The following RPSA2 variants were observed in gnomAD, a reference collection of about 807,000 sequenced individuals.
RPSA2 encodes the protein ribosomal protein SA 2, also known as small ribosomal subunit protein uS2B.
the RPSA2 span, among the ~76,000 whole-genome samples, chr19:23,781,652 T>A: frequency 6.6e-6 from 1 of 152,094 alleles, no homozygotes; most frequent in East Asian, 1.9e-4. Flanking sequence ...GGCACATAAT[T>A]TGCAAAGGAA....
At chr19:23,806,495 G>T in the RPSA2 span, among the ~76,000 whole-genome samples, 1 of 151,862 alleles carries the variant, frequency 6.6e-6, no homozygotes, top group African/African-American at 2.4e-5. Context: ...AAAAAGTTCT[G>T]AGAAAAGTGG....
At chr19:23,766,666 G>C in the RPSA2 span, among the ~76,000 whole-genome samples, 4 of 151,758 alleles carry the variant, frequency 2.6e-5, no homozygotes, top group African/African-American at 7.3e-5. Context: ...GTGTTAGCCA[G>C]GATGGTCTTG....
chr19:23,864,897 T>A, the RPSA2 span, among the ~76,000 whole-genome samples: 1 of 152,186 alleles, frequency 6.6e-6, no homozygotes, highest in Non-Finnish European at 1.5e-5. Flanking sequence ...CTCTTCTCCC[T>A]GTCTCCTTTA....
At chr19:23,817,984 A>G in the RPSA2 span, 1 of 152,194 alleles carries the variant, frequency 6.6e-6, no homozygotes, top group African/African-American at 2.4e-5. Context: ...GGAAGCTAGG[A>G]GAGGAGGAAA....
the RPSA2 span, among the ~76,000 whole-genome samples, chr19:23,793,789 T>C: frequency 0.98 from 148,851 of 152,178 alleles, 72,890 homozygotes; most frequent in Middle Eastern, 1. Flanking sequence ...TGGTCTTGAA[T>C]TCCTGACGTG....
the RPSA2 span, chr19:23,758,987 A>G: frequency 1.7e-6 from 1 of 586,492 alleles, no homozygotes; most frequent in Non-Finnish European, 3.0e-6. Flanking sequence ...GATAATGATT[A>G]AAACCCCACC....
chr19:23,867,087 T>G, the RPSA2 span, among the ~76,000 whole-genome samples: 15 of 152,302 alleles, frequency 9.8e-5, no homozygotes, highest in South Asian at 2.5e-3. Flanking sequence ...GGAGCACAAC[T>G]ACATGCAAAA....
the RPSA2 span, among the ~76,000 whole-genome samples, chr19:23,807,262 C>A: frequency 6.6e-6 from 1 of 152,196 alleles, no homozygotes; most frequent in Non-Finnish European, 1.5e-5. Flanking sequence ...GAAAAAGACA[C>A]AGGCTCTTCC....
At chr19:23,849,314 C>T in the RPSA2 span, among the ~76,000 whole-genome samples, 1 of 79,734 alleles carries the variant, frequency 1.3e-5, no homozygotes, top group Non-Finnish European at 2.5e-5. Context: ...ATCTGAGGTG[C>T]CCAGGGATGC....
chr19:23,869,673 G>C, the RPSA2 span, among the ~76,000 whole-genome samples: 1 of 152,130 alleles, frequency 6.6e-6, no homozygotes, highest in Non-Finnish European at 1.5e-5. Flanking sequence ...CTGCCACCTG[G>C]ATTGCTTGGC....
chr19:23,773,288 C>CA, the RPSA2 span, among the ~76,000 whole-genome samples: 1,576 of 19,908 alleles, frequency 0.079, 38 homozygotes, highest in African/African-American at 0.16. Context: ...ATATATATAT[C>CA]AAATTTTTTT....
the RPSA2 span, among the ~76,000 whole-genome samples, chr19:23,852,443 C>T: frequency 1.3e-5 from 2 of 152,086 alleles, no homozygotes; most frequent in Non-Finnish European, 2.9e-5. Context: ...GATTTACCTA[C>T]GTATTTACTA....
chr19:23,837,887 A>T, the RPSA2 span, among the ~76,000 whole-genome samples: 4 of 152,112 alleles, frequency 2.6e-5, no homozygotes, highest in African/African-American at 9.7e-5. Flanking sequence ...TAATCATGTC[A>T]TCAGCAAACA....
the RPSA2 span, among the ~76,000 whole-genome samples, chr19:23,866,781 C>G: frequency 1.3e-5 from 2 of 152,118 alleles, no homozygotes; most frequent in Non-Finnish European, 2.9e-5. Flanking sequence ...ATATCCCCAC[C>G]AGAGATAGAA....
At chr19:23,813,825 C>A in the RPSA2 span, among the ~76,000 whole-genome samples, 1 of 148,684 alleles carries the variant, frequency 6.7e-6, no homozygotes, top group African/African-American at 2.5e-5. Context: ...CAGGTTCAAG[C>A]GATTCTCCTG....
At chr19:23,772,925 C>T in the RPSA2 span, among the ~76,000 whole-genome samples, 1 of 152,100 alleles carries the variant, frequency 6.6e-6, no homozygotes, top group African/African-American at 2.4e-5. Context: ...TGGGTGCTTA[C>T]AAACATGATT....
At chr19:23,839,636 A>G in the RPSA2 span, among the ~76,000 whole-genome samples, 3 of 152,172 alleles carry the variant, frequency 2.0e-5, no homozygotes. Context: ...TTCTTGCCCC[A>G]TTCAAATTGT....
chr19:23,810,286 C>G, the RPSA2 span, among the ~76,000 whole-genome samples: 2 of 150,490 alleles, frequency 1.3e-5, no homozygotes, highest in African/African-American at 4.9e-5. Flanking sequence ...CCCAGCTACT[C>G]GGGAGGCTGA....
At chr19:23,809,473 C>T in the RPSA2 span, 2 of 152,040 alleles carry the variant, frequency 1.3e-5, no homozygotes, top group South Asian at 2.1e-4. Flanking sequence ...GGCAGTTTCA[C>T]AATACTTATT....
Sources: allele counts gnomAD v4.1 joint callset (sites outside exome capture counted in the v4.1 genomes callset), GRCh38; gene constraint gnomAD v4.1.1; transcripts MANE v1.5; gene names NCBI Gene and HGNC (gene_info 2026-07-23, HGNC 2026-07-21).